Variants in DNAH10 observed in about 807,000 individuals in gnomAD.
DNAH10 encodes axonemal beta dynein heavy chain 10.
In DNAH10, 348 loss-of-function variants were observed where a neutral mutation model predicts 506.6. That is an observed-to-expected ratio of 0.69 (90% CI 0.63 to 0.75). DNAH10 has a LOEUF of 0.75. Among genes scored for constraint, DNAH10 ranks in the 30% least tolerant of loss-of-function variants. The pLI, the probability that DNAH10 is intolerant of heterozygous loss-of-function variation, is 0.00. For synonymous variants in DNAH10, 2,059 were observed against 2,198.6 expected, an observed-to-expected ratio of 0.94 and a Z score of 1.78; for missense variants, 5,179 against 5,787.1, an observed-to-expected ratio of 0.89 and a Z score of 3.41.
chr12:123,924,621 A>G (rs1335358542), intron 67 of DNAH10, among the ~76,000 whole-genome samples, 189 bp downstream of exon 67: 1 of 150,834 alleles, frequency 6.6e-6, no homozygotes, highest in Non-Finnish European at 1.5e-5. Flanking sequence ...GGGAGATCCA[A>G]CCATCTACCT....
chr12:123,837,500 A>G (rs945244161), intron 28 of DNAH10, among the ~76,000 whole-genome samples: 4 of 152,142 alleles, frequency 2.6e-5, no homozygotes, highest in African/African-American at 2.4e-5. Context: ...TTGAGCATAT[A>G]TCTTTCCAGA....
intron 1 of DNAH10, among the ~76,000 whole-genome samples, chr12:123,763,253 G>T (rs1370421438): frequency 6.6e-6 from 1 of 152,188 alleles, no homozygotes; most frequent in Non-Finnish European, 1.5e-5. Context: ...TCTCTGATAG[G>T]CCAGGGACAC....
chr12:123,895,497 C>T (rs1167799699), intron 54 of DNAH10, among the ~76,000 whole-genome samples: 1 of 152,166 alleles, frequency 6.6e-6, no homozygotes, highest in African/African-American at 2.4e-5. Flanking sequence ...GATGATATAT[C>T]TCAGGTCCAG....
rs374169649 is a variant in DNAH10 at position 123,903,099 on chromosome 12, C to A, written c.9801C>A (p.Asp3267Glu). ...KLELQKLDKS[D>E]VTEIRSFAKP... ...AACTGCAGAAGCTGGACAAGTCGGA[C>A]GTGACTGAGATTAGGTAATGCACCT... Residue 3267 changes from aspartate to glutamate, a missense_variant, in exon 57 of 79, where the codon GAC becomes GAA. Physicochemically the swap from Asp to Glu is conservative, Grantham distance 45. This residue lies in a region of DNAH10 where 4,844 missense variants were observed against 5,430.5 expected (regional missense o/e 0.89). Transcript: ENST00000673944. This position sits in a 1 kb window ranked among gnomAD's most constrained non-coding sequence, Gnocchi z 4.6. 1 of 1,610,162 alleles carries A rather than the reference C, an allele frequency of 6.2e-7. No individual in the cohort carries two copies. Among genetic ancestry groups the A allele is most frequent in the South Asian group, 1.1e-5 (1 of 90,092 alleles).
At position 123,787,878 on chromosome 12, in the gene DNAH10, T is replaced by G. The variant is rs1225946981; in HGVS notation, c.1496T>G (p.Phe499Cys). 6 of 1,613,758 alleles carry G rather than the reference T, an allele frequency of 3.7e-6. No homozygotes were observed. The highest frequency in any genetic ancestry group is 5.1e-6 in the Non-Finnish European group (6 of 1,179,952). Residue 499 changes from phenylalanine to cysteine, a missense_variant, in exon 10 of 79, where the codon TTT (phenylalanine) becomes TGT (cysteine). Physicochemically the swap from Phe to Cys is radical, Grantham distance 205 (BLOSUM62 -2). Around this residue, in one of 3 missense-constraint regions of DNAH10, gnomAD observed 4,844 missense variants for 5,430.5 expected, o/e 0.89. Transcript: ENST00000673944. This position sits in a 1 kb window ranked among gnomAD's most constrained non-coding sequence, Gnocchi z 4.6. ...CTCAGGCTGTGGAAAAAGGCCTATT[T>G]TGACACCCGGGCCAAGATAGAGGCT... ...NTLRLWKKAY[F>C]DTRAKIEASG... is the part of the protein sequence containing the mutation.
Position 123,935,409 on chromosome 12 carries a change from T to C in DNAH10, c.13698T>C (p.Ala4566=), listed in dbSNP as rs1415547592. The change falls in exon 79 of 79, where the codon GCT becomes GCC. Residue 4566 remains alanine, a synonymous_variant. Transcript: ENST00000673944. ...NAMGVGLVFE[A]DLFTTRHISH... is the part of the protein sequence containing the mutation. Reference sequence around the variant, plus strand: ...TGGGAGTCGGCTTGGTTTTTGAAGCTGATCTCTTTACCACGAGGCACATTT... The same window carrying C: ...TGGGAGTCGGCTTGGTTTTTGAAGCCGATCTCTTTACCACGAGGCACATTT... 2 of 1,611,966 alleles carry C rather than the reference T, an allele frequency of 1.2e-6. No individual in the cohort carries two copies. The highest frequency in any genetic ancestry group is 1.1e-5 in the South Asian group (1 of 91,026).
intron 77 of DNAH10, 144 bp from the exon 78 acceptor site, chr12:123,934,477 G>A: frequency 9.9e-7 from 1 of 1,010,558 alleles, no homozygotes; most frequent in South Asian, 1.4e-5. Flanking sequence ...CAGAAATGCT[G>A]GAGAAGGGCC....
Position 123,791,248 on chromosome 12 carries a change from A to G in DNAH10, c.1815+1127A>G, listed in dbSNP as rs149899030. 4.1e-3 allele frequency among the ~76,000 whole-genome samples: 629 copies of G among 152,336 alleles called. 5 individuals are homozygous for G. The highest frequency in any genetic ancestry group is 0.014 in the African/African-American group (597 of 41,570). On this transcript the variant is annotated intron_variant, in intron 11 of 78. Transcript: ENST00000673944. Reference sequence around the variant, plus strand: ...GGGAACAACAGAGAGTGGGGAGATGATACAGGAGGTGATAGCCTGAGGTGC... The same window carrying G: ...GGGAACAACAGAGAGTGGGGAGATGGTACAGGAGGTGATAGCCTGAGGTGC...
At chr12:123,865,838 G>A (rs1200076673) in intron 40 of DNAH10, 113 bp from the exon 41 acceptor site, 1 of 1,079,976 alleles carries the variant, frequency 9.3e-7, no homozygotes, top group African/African-American at 1.6e-5. Context: ...GTTGATTTTG[G>A]TATTATTTGG....
intron 62 of DNAH10, 131 bp downstream of exon 62, chr12:123,915,130 C>T (rs1481566614): frequency 1.6e-6 from 2 of 1,278,296 alleles, no homozygotes; most frequent in East Asian, 2.7e-5. Context: ...TCCTGACCCC[C>T]ATGCGGAGCC....
chr12:123,881,415 T>A (rs1025888853), intron 50 of DNAH10, among the ~76,000 whole-genome samples: 11 of 152,360 alleles, frequency 7.2e-5, no homozygotes, highest in African/African-American at 2.6e-4. Flanking sequence ...TGATGAGCAT[T>A]TTTTCATGTG....
rs1438808921 is a variant in DNAH10 at position 123,926,511 on chromosome 12, G to A, written c.11922-126G>A. 7 of 985,928 alleles carry A rather than the reference G, an allele frequency of 7.1e-6. No individual in the cohort carries two copies. The Admixed American group carries it at 9.3e-5, about 13-fold the overall frequency. 61.1% of individuals were successfully genotyped at this position (985,928 alleles called of 1,614,324 possible). On this transcript the variant is annotated intron_variant, in intron 68 of 78. Coordinates refer to ENST00000673944, the MANE Select transcript of DNAH10 (RefSeq NM_001372106.1). This position sits in a 1 kb window ranked among gnomAD's most constrained non-coding sequence, Gnocchi z 4.1. ...AATCTAAAACAGGGAAGACTGCAAC[G>A]AGCTATCCCAGAGGAGTGGTCAGAA...
At chr12:123,763,200 G>A (rs908741476) in intron 1 of DNAH10, among the ~76,000 whole-genome samples, 4 of 152,204 alleles carry the variant, frequency 2.6e-5, no homozygotes, top group African/African-American at 7.2e-5. Flanking sequence ...AGTGACCAGG[G>A]TCCCAGAACC....
At chr12:123,764,448 G>A (rs1253781592) in intron 1 of DNAH10, among the ~76,000 whole-genome samples, 1 of 151,924 alleles carries the variant, frequency 6.6e-6, no homozygotes, top group African/African-American at 2.4e-5. Flanking sequence ...AGGATTGACC[G>A]TTTAACATGT....
chr12:123,772,915 G>T lies in DNAH10; in HGVS notation c.478G>T (p.Val160Leu), dbSNP rs539668219. ...TCCCGAGGAGTTCCTGGACCAAAAC[G>T]TGGTGTTTTTCCTCAGAAATACCAA... ...PLPEEFLDQN[V>L]VFFLRNTKEA... The change falls in exon 4 of 79, where the codon GTG becomes TTG. Residue 160 changes from valine (V) to leucine (L), a missense_variant. Val to Leu is a conservative substitution (Grantham distance 32). Around this residue, in one of 3 missense-constraint regions of DNAH10, gnomAD observed 326 missense variants for 330.8 expected, o/e 0.99. Transcript: ENST00000673944. The T allele has an allele frequency of 3.1e-6, 5 of 1,612,870 alleles. No individual in the cohort carries two copies. The highest frequency in any genetic ancestry group is 4.2e-6 in the Non-Finnish European group (5 of 1,179,384).
chr12:123,866,531 C>T (rs1309578134), intron 41 of DNAH10, among the ~76,000 whole-genome samples: 1 of 152,050 alleles, frequency 6.6e-6, no homozygotes, highest in African/African-American at 2.4e-5. Context: ...GCGTGAGCCA[C>T]CGACACACCG....
intron 11 of DNAH10, among the ~76,000 whole-genome samples, chr12:123,792,605 G>A (rs1958123075): frequency 6.6e-6 from 1 of 152,066 alleles, no homozygotes; most frequent in African/African-American, 2.4e-5. Context: ...GGTTACAGGT[G>A]TGTGCCACCA....
At chr12:123,817,603 A>C (rs1959170573) in intron 21 of DNAH10, among the ~76,000 whole-genome samples, 1 of 152,094 alleles carries the variant, frequency 6.6e-6, no homozygotes, top group Admixed American at 6.5e-5. Context: ...CCTTGACTCT[A>C]TTAAATAAAA....
chr12:123,781,095 T>C lies in DNAH10; in HGVS notation c.637T>C (p.Leu213=). ...NIICQVFLPA[L]SFNQHRTSTT... is the part of the protein sequence containing the mutation. ...GGCATTTCAGGTTTTTTTGCCAGCATTGTCCTTCAATCAGCACAGGACGAG... is the reference window on the plus strand; with the variant it reads ...GGCATTTCAGGTTTTTTTGCCAGCACTGTCCTTCAATCAGCACAGGACGAG... Residue 213 remains leucine, a synonymous_variant, in exon 6 of 79, where the codon TTG becomes CTG. Coordinates refer to ENST00000673944, the MANE Select transcript of DNAH10 (RefSeq NM_001372106.1). 1.2e-6 allele frequency: 2 copies of C among 1,600,282 alleles called. No homozygotes were observed. Among genetic ancestry groups the C allele is most frequent in the Non-Finnish European group, 1.7e-6 (2 of 1,175,806 alleles).
Sources: gnomAD v4.1 joint callset for allele counts (sites outside exome capture counted in the v4.1 genomes callset) on GRCh38, gnomAD v4.1.1 for gene constraint, gnomAD v4.1.1 regional missense constraint, Gnocchi (gnomAD v3.1) non-coding constraint, MANE v1.5 for transcripts, NCBI Gene and HGNC (gene_info 2026-07-23, HGNC 2026-07-21) for gene names.